Variants in CEMIP2 observed in about 807,000 individuals in gnomAD.
CEMIP2 encodes the protein cell surface hyaluronidase CEMIP2.
A neutral mutation model predicts 146.9 loss-of-function variants in CEMIP2; 79 were observed. The observed-to-expected ratio is 0.54, with a 90% CI of 0.45 to 0.65. CEMIP2 has a LOEUF of 0.65. Ranked by LOEUF, CEMIP2 falls within the 30% of genes least tolerant of loss-of-function variation. CEMIP2 has a pLI of 0.00. For missense variants in CEMIP2, 1,596 were observed against 1,696.2 expected (o/e 0.94, Z 1.04); for synonymous variants, 601 against 606.3 (o/e 0.99, Z 0.13).
chr9:71,755,446 A>G (rs1824406329), intron 1 of CEMIP2, among the ~76,000 whole-genome samples: 1 of 152,032 alleles, frequency 6.6e-6, no homozygotes, highest in South Asian at 2.1e-4. Context: ...AGGCGGAGGC[A>G]GTGAGGCAGG....
chr9:71,723,521 G>C (rs1390168137), intron 11 of CEMIP2, among the ~76,000 whole-genome samples: 1 of 152,272 alleles, frequency 6.6e-6, no homozygotes, highest in African/African-American at 2.4e-5. Flanking sequence ...AAATTCTGTG[G>C]GTGAGGGAAT....
At chr9:71,728,126 G>A (rs1163619173) in intron 10 of CEMIP2, among the ~76,000 whole-genome samples, 2 of 148,644 alleles carry the variant, frequency 1.3e-5, no homozygotes, top group African/African-American at 5.0e-5. Flanking sequence ...AAAACTTTGG[G>A]AGGCTAAGGC....
At position 71,698,055 on chromosome 9, in the gene CEMIP2, C is replaced by A; in HGVS notation, c.3527G>T (p.Arg1176Ile). ...CATCCGCTTGACCACTGACGGCTTT[C>A]TGTAGTACTGTGGGTATGCTTTGGC... ...CMAKAYPQYYRKPSVVKRMPA... is the reference protein window; with the variant it reads ...CMAKAYPQYYIKPSVVKRMPA... Residue 1176 changes from arginine (R) to isoleucine (I), a missense_variant, in exon 20 of 24, where the codon AGA becomes ATA. Arg to Ile is a moderately conservative substitution (Grantham distance 97). Coordinates refer to ENST00000377044, the MANE Select transcript of CEMIP2 (RefSeq NM_013390.3). 6.2e-7 allele frequency: 1 copy of A among 1,614,184 alleles called. No individual in the cohort carries two copies. The highest frequency in any genetic ancestry group is 8.5e-7 in the Non-Finnish European group (1 of 1,180,036).
intron 5 of CEMIP2, among the ~76,000 whole-genome samples, chr9:71,739,471 G>A (rs1009879156): frequency 3.4e-5 from 5 of 148,342 alleles, no homozygotes; most frequent in African/African-American, 9.9e-5. Context: ...GCTAAGAAAC[G>A]CTTCTTATCT....
intron 4 of CEMIP2, 24 bp downstream of exon 4, chr9:71,744,994 G>A (rs940296893): frequency 6.2e-7 from 1 of 1,600,586 alleles, no homozygotes; most frequent in Non-Finnish European, 8.5e-7. Context: ...CTCTGATAGG[G>A]ATCTGGGAAG....
At position 71,734,806 on chromosome 9, in the gene CEMIP2, C is replaced by A. The variant is rs1299358229; in HGVS notation, c.1393G>T (p.Glu465Ter). ...ECSHFQVKVKETPQFLHMGEI... is the reference protein window; with the variant it reads ...ECSHFQVKVK ...AGAAGTACTCTAAGCAGTTTAATAC[C>A]TTTGACTTTGACCTGAAAATGGCTG... The change falls in exon 6 of 24, where the codon GAA (glutamate) becomes TAA (stop). Residue 465 changes from glutamate to a stop codon, truncating the protein, a stop_gained and splice_region_variant. Transcript: ENST00000377044. LOFTEE classifies it high-confidence loss of function. The A allele has an allele frequency of 2.5e-6, 4 of 1,603,926 alleles. No homozygotes were observed. The highest frequency in any genetic ancestry group is 3.4e-6 in the Non-Finnish European group (4 of 1,174,178).
intron 2 of CEMIP2, among the ~76,000 whole-genome samples, chr9:71,746,596 CAAAA>C (rs5898226): frequency 2.9e-4 from 22 of 75,170 alleles, no homozygotes; most frequent in Non-Finnish European, 3.5e-4. Flanking sequence ...CAAACTTCAC[CAAAA>C]AAAAAAAAAA....
In CEMIP2 at chr9:71,685,783, T is replaced by A. The variant is rs1475137976; in HGVS notation, c.3915A>T (p.Val1305=). ...GAGCTGGTTTGGCTAATCCCAGAGG[T>A]ACTAGTAAGTGTGAAATGTTTAACT... The part of the protein sequence containing the change: ...IKQLNISHLL[V]PLGLAKPAHL... Residue 1305 remains valine, a synonymous_variant, in exon 23 of 24, where the codon GTA becomes GTT. Coordinates refer to ENST00000377044, the MANE Select transcript of CEMIP2 (RefSeq NM_013390.3). The A allele has an allele frequency of 6.2e-7, 1 of 1,614,050 alleles. No homozygotes were observed. Among genetic ancestry groups the A allele is most frequent in the Non-Finnish European group, 8.5e-7 (1 of 1,179,962 alleles).
Position 71,730,230 on chromosome 9 carries a change from G to A in CEMIP2, c.1797C>T (p.Asp599=). Reference sequence around the variant, plus strand: ...CCAAAAAGAAACAATGACCTAGTGTGTCAAACCCAATGGTGTCTTTTATCT... The same window carrying A: ...CCAAAAAGAAACAATGACCTAGTGTATCAAACCCAATGGTGTCTTTTATCT... ...GLLIKDTIGF[D]TLGHCFFLED... The change falls in exon 9 of 24, where the codon GAC becomes GAT. Residue 599 remains aspartate, a synonymous_variant. Coordinates refer to ENST00000377044, the MANE Select transcript of CEMIP2 (RefSeq NM_013390.3). 5 of 1,614,130 alleles carry A rather than the reference G, an allele frequency of 3.1e-6. No individual in the cohort carries two copies. The highest frequency in any genetic ancestry group is 4.5e-5 in the East Asian group (2 of 44,882).
chr9:71,765,813 C>A (rs940061210), intron 1 of CEMIP2, among the ~76,000 whole-genome samples: 3 of 152,064 alleles, frequency 2.0e-5, no homozygotes, highest in African/African-American at 7.2e-5. Flanking sequence ...TCCCTGTGGC[C>A]TCCCGGGTTG....
intron 5 of CEMIP2, among the ~76,000 whole-genome samples, chr9:71,736,394 A>G (rs1411381657): frequency 6.6e-6 from 1 of 152,166 alleles, no homozygotes; most frequent in Non-Finnish European, 1.5e-5. Flanking sequence ...TTACGTATGC[A>G]CTACTCTGTC....
chr9:71,694,119 ATTTATTTAT>A (rs986178523), intron 21 of CEMIP2, among the ~76,000 whole-genome samples: 6 of 150,654 alleles, frequency 4.0e-5, no homozygotes, highest in African/African-American at 1.5e-4. Context: ...TTATTTATTT[ATTTATTTAT>A]TTATTTATTT....
At chr9:71,749,910 T>C (rs1464940823) in intron 2 of CEMIP2, 133 bp downstream of exon 2, 1 of 676,960 alleles carries the variant, frequency 1.5e-6, no homozygotes, top group African/African-American at 1.8e-5. Flanking sequence ...TCATAAGAAG[T>C]GACACCTCGT....
chr9:71,735,624 C>T (rs903342911), intron 5 of CEMIP2, among the ~76,000 whole-genome samples: 5 of 151,894 alleles, frequency 3.3e-5, no homozygotes, highest in South Asian at 4.2e-4. Context: ...CCTGTCCCTA[C>T]AAAAAAACAT....
intron 11 of CEMIP2, 90 bp downstream of exon 11, chr9:71,725,491 G>A: frequency 7.3e-7 from 1 of 1,362,928 alleles, no homozygotes; most frequent in Non-Finnish European, 1.0e-6. Context: ...TTCTACTACA[G>A]CAGCACAAAG....
In CEMIP2 at chr9:71,684,458, C is replaced by T. The variant is rs1821995450; in HGVS notation, c.*739G>A. ...AACACAAATATACAGTCAAAAGAGG[C>T]TAAGGATTAAAGCTGCAAAAATGGT... On this transcript the variant is annotated 3_prime_UTR_variant, in exon 24 of 24. Coordinates refer to ENST00000377044, the MANE Select transcript of CEMIP2 (RefSeq NM_013390.3). 6.6e-6 allele frequency: 1 copy of T among 152,558 alleles called. No individual in the cohort carries two copies. Among genetic ancestry groups the T allele is most frequent in the African/African-American group, 2.4e-5 (1 of 41,426 alleles). 9.5% of individuals were successfully genotyped at this position (152,558 alleles called of 1,614,324 possible).
intron 20 of CEMIP2, chr9:71,697,721 A>G (rs949280901): frequency 2.2e-5 from 9 of 403,524 alleles, no homozygotes; most frequent in African/African-American, 1.8e-4. Context: ...GAGGACCAAC[A>G]TAGCAACCTC....
chr9:71,761,335 G>C (rs1160629093), intron 1 of CEMIP2, among the ~76,000 whole-genome samples: 3 of 152,222 alleles, frequency 2.0e-5, no homozygotes, highest in Non-Finnish European at 4.4e-5. Context: ...ACAGGGATGT[G>C]TTTGAAAAAC....
intron 14 of CEMIP2, among the ~76,000 whole-genome samples, chr9:71,716,083 C>A (rs1480115335): frequency 2.0e-5 from 3 of 152,050 alleles, no homozygotes; most frequent in Admixed American, 1.3e-4. Context: ...TTTAACATGA[C>A]AACTAGAATG....
Sources: allele counts gnomAD v4.1 joint callset (sites outside exome capture counted in the v4.1 genomes callset), GRCh38; gene constraint gnomAD v4.1.1; transcripts MANE v1.5; gene names NCBI Gene and HGNC (gene_info 2026-07-23, HGNC 2026-07-21).